TDRD10: variants seen among roughly 807,000 people sequenced by gnomAD.
TDRD10 encodes the protein tudor domain-containing protein 10.
Under a neutral mutation model 48.0 loss-of-function variants are expected in TDRD10, and 40 were observed. That is an observed-to-expected ratio of 0.83 (90% CI 0.65 to 1.09). TDRD10 has a LOEUF of 1.09. Ranked by LOEUF, TDRD10 falls within the 50% of genes least tolerant of loss-of-function variation. The pLI is 0.00. For synonymous variants in TDRD10, 162 were observed against 170.4 expected, an observed-to-expected ratio of 0.95 and a Z score of 0.38; for missense variants, 378 against 434.7, an observed-to-expected ratio of 0.87 and a Z score of 1.16.
rs11386784 is a variant in TDRD10 at position 154,533,902 on chromosome 1, T to TAA, written c.370-8121_370-8120dup. On this transcript the variant is annotated intron_variant, in intron 6 of 12. Coordinates refer to ENST00000368482, the MANE Select transcript of TDRD10 (RefSeq NM_182499.4). ...ATATATATATATATATATTTTTTTT[T>TAA]AATTTTCTATTGTTTGTAGAGATGG... 8.7e-3 allele frequency among the ~76,000 whole-genome samples: 1,268 copies of TAA among 146,150 alleles called. 22 individuals carry two copies. Among genetic ancestry groups the TAA allele is most frequent in the African/African-American group, 0.029 (1,171 of 40,050 alleles).
rs774710860 is a variant in TDRD10, at chr1:154,506,863, G to A, written c.-27-14G>A. 1.1e-4 allele frequency: 178 copies of A among 1,609,630 alleles called. No individual in the cohort carries two copies. Among genetic ancestry groups the A allele is most frequent in the Non-Finnish European group, 1.5e-4 (174 of 1,176,060 alleles). On this transcript the variant is annotated splice_polypyrimidine_tract_variant and intron_variant, in intron 1 of 12. Transcript: ENST00000368482. ...TCCTGGCATTCCTCTAACTGTGGCC[G>A]GTTGGTTTTGTAGGAGATCCTGTTG...
chr1:154,521,298 C>T (rs1457286612), intron 5 of TDRD10, 25 bp from the exon 6 acceptor site: 1 of 1,612,494 alleles, frequency 6.2e-7, no homozygotes, highest in South Asian at 1.1e-5. Context: ...TGCTCAAAGC[C>T]TCCCTCTCTC....
intron 8 of TDRD10, 122 bp from the exon 9 acceptor site, chr1:154,543,841 C>G (rs1695388974): frequency 5.6e-6 from 8 of 1,437,128 alleles, no homozygotes. Flanking sequence ...CACAGCCTTT[C>G]TGCTTAGGGG....
intron 6 of TDRD10, among the ~76,000 whole-genome samples, chr1:154,533,933 C>T (rs1297205561): frequency 6.6e-6 from 1 of 151,334 alleles, no homozygotes; most frequent in African/African-American, 2.4e-5. Context: ...GATGGGGTCC[C>T]ACTATGTTGC....
At chr1:154,540,507 C>A (rs1199896629) in intron 6 of TDRD10, among the ~76,000 whole-genome samples, 24 of 109,116 alleles carry the variant, frequency 2.2e-4, no homozygotes, top group African/African-American at 4.8e-4. Flanking sequence ...CCCATCTCTA[C>A]AAAAAAAAAA....
rs1426496170 is a variant in TDRD10, at chr1:154,544,058, TGAC to T, written c.602_604del (p.Thr201del). 2 of 1,614,184 alleles carry T rather than the reference TGAC, an allele frequency of 1.2e-6. No homozygotes were observed. The highest frequency in any genetic ancestry group is 1.7e-5 in the Admixed American group (1 of 60,024). ...GTCCGTGGGGAGGCGGGGCTGCTGG[TGAC>T]GAGTATCGTCCCGAAGACCCCGTTT... On this transcript the variant is annotated inframe_deletion, in exon 9 of 13. Transcript: ENST00000368482.
intron 6 of TDRD10, among the ~76,000 whole-genome samples, chr1:154,537,106 C>T (rs962721852): frequency 1.3e-5 from 2 of 152,134 alleles, no homozygotes; most frequent in East Asian, 1.9e-4. Flanking sequence ...GCTCTTCTCC[C>T]AGGTGTCTAT....
intron 6 of TDRD10, among the ~76,000 whole-genome samples, chr1:154,531,870 C>T (rs561641159): frequency 1.3e-5 from 2 of 152,298 alleles, no homozygotes; most frequent in African/African-American, 4.8e-5. Flanking sequence ...CACAAGTTCT[C>T]CACCTCACCA....
intron 6 of TDRD10, among the ~76,000 whole-genome samples, chr1:154,534,181 G>A (rs1362936879): frequency 1.3e-5 from 2 of 152,174 alleles, no homozygotes; most frequent in Admixed American, 1.3e-4. Flanking sequence ...CAGCAGCAGA[G>A]TGGACTCATG....
rs368387903 is a variant in TDRD10 at position 154,542,903 on chromosome 1, G to A, written c.503+82G>A. The A allele has an allele frequency of 4.8e-3, 5,593 of 1,175,886 alleles. 115 individuals are homozygous for A. The highest frequency in any genetic ancestry group is 0.039 in the South Asian group (2,880 of 74,034). The allele number at this position is 1,175,886 out of a possible 1,614,324, so 72.8% of individuals were successfully genotyped here. A position where few individuals can be genotyped will look rare whatever the true frequency, so the allele number is the denominator to read the frequency against. ...CCCCCAGAGAGTGGGGACAAGGATA[G>A]TACTGGGGTGGGGGATAGTTTTCGG... is the stretch of plus-strand genomic sequence containing the variant. On this transcript the variant is annotated intron_variant, in intron 8 of 12. Coordinates refer to ENST00000368482, the MANE Select transcript of TDRD10 (RefSeq NM_182499.4).
At chr1:154,504,246 A>G (rs949307666) in intron 1 of TDRD10, among the ~76,000 whole-genome samples, 1 of 152,220 alleles carries the variant, frequency 6.6e-6, no homozygotes, top group Middle Eastern at 3.2e-3. Context: ...TTGTATTGCT[A>G]TACAGCACTT....
At chr1:154,510,959 T>C (rs866782686) in intron 4 of TDRD10, among the ~76,000 whole-genome samples, 2 of 150,856 alleles carry the variant, frequency 1.3e-5, no homozygotes, top group African/African-American at 4.9e-5. Context: ...GGCAGGAGAA[T>C]GGTGTGAACC....
intron 7 of TDRD10, 145 bp downstream of exon 7, chr1:154,542,211 T>A: frequency 1.3e-6 from 1 of 790,120 alleles, no homozygotes. Context: ...TTTCTTCCTC[T>A]AGGATGCTTG....
At chr1:154,514,870 A>T (rs918731670) in intron 4 of TDRD10, among the ~76,000 whole-genome samples, 16 of 150,074 alleles carry the variant, frequency 1.1e-4, no homozygotes, top group African/African-American at 3.7e-4. Context: ...TTATTTATTT[A>T]TTTATTTTTT....
chr1:154,539,138 T>C (rs767564753), intron 6 of TDRD10, among the ~76,000 whole-genome samples: 35 of 152,188 alleles, frequency 2.3e-4, no homozygotes, highest in South Asian at 1.4e-3. Context: ...TTGTAACTGC[T>C]GTGTTGTGCT....
intron 6 of TDRD10, among the ~76,000 whole-genome samples, chr1:154,538,780 G>T (rs933920157): frequency 1.9e-5 from 2 of 104,294 alleles, no homozygotes; most frequent in African/African-American, 3.2e-5. Context: ...ATGAACCTGG[G>T]AGGCAGAGCT....
chr1:154,521,999 G>A (rs144683037), intron 6 of TDRD10, among the ~76,000 whole-genome samples: 86 of 152,318 alleles, frequency 5.6e-4, no homozygotes, highest in African/African-American at 2.0e-3. Flanking sequence ...AAAAGGAGGA[G>A]GGCCCATTCT....
intron 1 of TDRD10, among the ~76,000 whole-genome samples, chr1:154,503,638 A>C (rs963600931): frequency 6.6e-6 from 1 of 152,224 alleles, no homozygotes; most frequent in Non-Finnish European, 1.5e-5. Flanking sequence ...GTTTAAAAAA[A>C]GAAATTTAAA....
rs141912752 is a variant in TDRD10, at chr1:154,542,774, G to T, written c.456G>T (p.Glu152Asp). The change falls in exon 8 of 13, where the codon GAG becomes GAT. Residue 152 changes from glutamate (E) to aspartate (D), a missense_variant. Glu to Asp is a conservative substitution (Grantham distance 45). Transcript: ENST00000368482. Reference protein sequence around the residue: ...LAPKAPVDLCETEKLRAAFFA... With the variant: ...LAPKAPVDLCDTEKLRAAFFA... ...CTAAAGCTCCTGTTGACCTGTGTGA[G>T]ACAGAGAAACTGAGGGCAGCCTTCT... 7 of 1,613,868 alleles carry T rather than the reference G, an allele frequency of 4.3e-6. No individual in the cohort carries two copies. Among genetic ancestry groups the T allele is most frequent in the Non-Finnish European group, 5.1e-6 (6 of 1,179,924 alleles).
Sources: allele counts gnomAD v4.1 joint callset (sites outside exome capture counted in the v4.1 genomes callset), GRCh38; gene constraint gnomAD v4.1.1; transcripts MANE v1.5; gene names NCBI Gene and HGNC (gene_info 2026-07-23, HGNC 2026-07-21).